Variants in PCDHGB2 observed in about 807,000 individuals in gnomAD.
PCDHGB2 encodes the protein protocadherin gamma-B2.
Under a neutral mutation model 59.3 loss-of-function variants are expected in PCDHGB2, and 55 were observed. The observed-to-expected ratio is 0.93, with a 90% CI of 0.75 to 1.16. PCDHGB2 has a LOEUF of 1.16. PCDHGB2 is among the 50% of genes most tolerant of loss of function. The pLI is 0.00. For synonymous variants in PCDHGB2, 516 were observed against 512.0 expected (o/e 1.01, Z -0.11); for missense variants, 1,228 against 1,198.5 (o/e 1.02, Z -0.36).
chr5:141,500,340 C>T (rs188966393), intron 2 of PCDHGB2, among the ~76,000 whole-genome samples: 1 of 151,950 alleles, frequency 6.6e-6, no homozygotes, highest in East Asian at 1.9e-4. Flanking sequence ...TCCAGAATAG[C>T]TGGGACTACA....
chr5:141,467,532 T>G (rs2099145568), intron 1 of PCDHGB2, among the ~76,000 whole-genome samples: 1 of 152,234 alleles, frequency 6.6e-6, no homozygotes, highest in Non-Finnish European at 1.5e-5. Flanking sequence ...TGTGCTGAGA[T>G]ATGGATCTGA....
chr5:141,397,919 C>G (rs1158998805), intron 1 of PCDHGB2: 2 of 723,460 alleles, frequency 2.8e-6, no homozygotes, highest in East Asian at 5.5e-5. Flanking sequence ...TCCAGATCTC[C>G]TCGCGCAGCC....
intron 1 of PCDHGB2, chr5:141,398,353 A>G: frequency 2.9e-6 from 4 of 1,397,978 alleles, no homozygotes; most frequent in Non-Finnish European, 4.0e-6. Flanking sequence ...GCCTTACTTC[A>G]CCGTGAGCGC....
chr5:141,434,277 A>G (rs760937958), intron 1 of PCDHGB2, among the ~76,000 whole-genome samples: 4 of 152,172 alleles, frequency 2.6e-5, no homozygotes, highest in Non-Finnish European at 4.4e-5. Flanking sequence ...AATTAGAGGT[A>G]TTCTCTGTTT....
Position 141,431,587 on chromosome 5 carries a change from A to C in PCDHGB2, c.2422-63220A>C. On this transcript the variant is annotated intron_variant, in intron 1 of 3. Coordinates refer to ENST00000522605, the MANE Select transcript of PCDHGB2 (RefSeq NM_018923.3). This position sits in a 1 kb window ranked among gnomAD's most constrained non-coding sequence, Gnocchi z 4.8. ...ACCCTGACGAAGGAGTCAATGCGGA[A>C]GTGAGGTATTCCTTCCGGTATGTGG... The C allele has an allele frequency of 1.2e-6, 2 of 1,614,236 alleles. No homozygotes were observed. Among genetic ancestry groups the C allele is most frequent in the Non-Finnish European group, 1.7e-6 (2 of 1,180,036 alleles).
At chr5:141,425,069 A>G (rs771114613) in intron 1 of PCDHGB2, among the ~76,000 whole-genome samples, 1 of 152,170 alleles carries the variant, frequency 6.6e-6, no homozygotes. Context: ...GACAAAAATA[A>G]TTTCAACTGT....
At chr5:141,475,329 A>G (rs1229101617) in intron 1 of PCDHGB2, among the ~76,000 whole-genome samples, 1 of 152,266 alleles carries the variant, frequency 6.6e-6, no homozygotes, top group Non-Finnish European at 1.5e-5. Context: ...AATGAGAGCT[A>G]ACAATGACAT....
At position 141,491,423 on chromosome 5, in the gene PCDHGB2, G is replaced by C; in HGVS notation, c.2422-3384G>C. On this transcript the variant is annotated intron_variant, in intron 1 of 3. Transcript: ENST00000522605. The surrounding 1 kb of genome is among the most constrained non-coding windows in gnomAD (Gnocchi z 6.9). ...AACGCAGACGGGGACGGGGGTGGAG[G>C]GCAGTGCTGCAGGCGCCAGGACTCA... 1 of 1,614,126 alleles carries C rather than the reference G, an allele frequency of 6.2e-7. No individual in the cohort carries two copies. Among genetic ancestry groups the C allele is most frequent in the South Asian group, 1.1e-5 (1 of 91,090 alleles).
At chr5:141,418,577 C>T (rs1173424447) in intron 1 of PCDHGB2, 2 of 1,614,038 alleles carry the variant, frequency 1.2e-6, no homozygotes, top group South Asian at 1.1e-5. Context: ...TGACAACCCC[C>T]CAGTGTTCAG....
intron 1 of PCDHGB2, chr5:141,387,741 G>T: frequency 1.5e-6 from 2 of 1,332,868 alleles, no homozygotes; most frequent in Non-Finnish European, 2.0e-6. Context: ...CCTTTACACC[G>T]CTTCCTCCTC....
intron 1 of PCDHGB2, chr5:141,364,745 A>G: frequency 6.2e-7 from 1 of 1,613,986 alleles, no homozygotes; most frequent in Non-Finnish European, 8.5e-7. Context: ...TGAAGAGTTA[A>G]AAGTAAAAGT....
chr5:141,498,919 CG>C (rs2099786825), intron 2 of PCDHGB2, among the ~76,000 whole-genome samples: 1 of 122,240 alleles, frequency 8.2e-6, no homozygotes, highest in African/African-American at 3.1e-5. Context: ...GGTGACAGAG[CG>C]AGACTCCATC....
intron 1 of PCDHGB2, chr5:141,396,033 C>T (rs191318626): frequency 1.3e-5 from 2 of 152,280 alleles, no homozygotes; most frequent in East Asian, 3.9e-4. Context: ...TATGTAAGAA[C>T]ATATTTCAAT....
At chr5:141,456,918 G>C (rs535602842) in intron 1 of PCDHGB2, among the ~76,000 whole-genome samples, 49 of 152,124 alleles carry the variant, frequency 3.2e-4, no homozygotes, top group African/African-American at 1.2e-3. Context: ...AGCCGAGATC[G>C]CACCACTGCA....
intron 1 of PCDHGB2, chr5:141,409,879 A>G (rs1175297210): frequency 1.9e-6 from 3 of 1,612,734 alleles, no homozygotes; most frequent in African/African-American, 2.7e-5. Flanking sequence ...ATGACAACGC[A>G]CCGCGGGTGC....
intron 1 of PCDHGB2, chr5:141,426,204 T>C (rs10046053): frequency 0.11 from 17,599 of 155,696 alleles, 1,197 homozygotes; most frequent in African/African-American, 0.19. Flanking sequence ...TTGAGTTTTC[T>C]ATGTATGGAA....
chr5:141,383,124 C>G (rs1245604127), intron 1 of PCDHGB2: 3 of 1,613,930 alleles, frequency 1.9e-6, no homozygotes, highest in Non-Finnish European at 2.5e-6. Context: ...CGCAGCTTTT[C>G]GCCCTGAACC....
intron 1 of PCDHGB2, chr5:141,405,186 G>A (rs762537440): frequency 6.2e-6 from 10 of 1,612,892 alleles, no homozygotes; most frequent in Non-Finnish European, 8.5e-6. Context: ...GGTGTAGATG[G>A]GGTTCGAGCT....
At chr5:141,384,179 G>A (rs1252177053) in intron 1 of PCDHGB2, 1 of 1,613,830 alleles carries the variant, frequency 6.2e-7, no homozygotes, top group Middle Eastern at 1.6e-4. Flanking sequence ...GCCACAGATG[G>A]TGGAACTCCT....
Sources: allele counts gnomAD v4.1 joint callset (sites outside exome capture counted in the v4.1 genomes callset), GRCh38; gene constraint gnomAD v4.1.1; non-coding constraint Gnocchi (gnomAD v3.1); transcripts MANE v1.5; gene names NCBI Gene and HGNC (gene_info 2026-07-23, HGNC 2026-07-21).